The following MDGA2 variants were observed in gnomAD, a reference collection of about 807,000 sequenced individuals.
MDGA2 encodes the protein MAM domain-containing glycosylphosphatidylinositol anchor protein 2.
A neutral mutation model predicts 117.8 loss-of-function variants in MDGA2; 40 were observed. That is an observed-to-expected ratio of 0.34 (90% CI 0.26 to 0.44). The LOEUF is 0.44. Ranked by LOEUF, MDGA2 falls within the 20% of genes least tolerant of loss-of-function variation. The pLI is 1.00. For synonymous variants in MDGA2, 452 were observed against 439.0 expected, an observed-to-expected ratio of 1.03 and a Z score of -0.37; for missense variants, 1,123 against 1,250.6, an observed-to-expected ratio of 0.90 and a Z score of 1.54.
intron 1 of MDGA2, among the ~76,000 whole-genome samples, chr14:47,606,411 T>C (rs909429005): frequency 3.9e-5 from 6 of 152,236 alleles, no homozygotes; most frequent in African/African-American, 1.4e-4. Context: ...AAATTGTATC[T>C]ATTGTGTGGA....
chr14:47,399,623 G>A (rs1187733625), intron 1 of MDGA2, among the ~76,000 whole-genome samples: 1 of 151,842 alleles, frequency 6.6e-6, no homozygotes, highest in Non-Finnish European at 1.5e-5. Context: ...CACATTTATA[G>A]CTGCTAGAGC....
chr14:46,881,754 G>A (rs1169648241), intron 11 of MDGA2, among the ~76,000 whole-genome samples: 1 of 151,958 alleles, frequency 6.6e-6, no homozygotes, highest in African/African-American at 2.4e-5. Context: ...ATAAAATGCA[G>A]ACAAATATTG....
At chr14:47,543,912 T>C (rs935608056) in intron 1 of MDGA2, among the ~76,000 whole-genome samples, 3 of 152,180 alleles carry the variant, frequency 2.0e-5, no homozygotes, top group Non-Finnish European at 4.4e-5. Context: ...ATATGTAACA[T>C]AGAAAGGCTT....
chr14:46,906,828 G>A (rs1370185478), intron 10 of MDGA2, among the ~76,000 whole-genome samples: 2 of 151,944 alleles, frequency 1.3e-5, no homozygotes. Context: ...GGATCAGAAG[G>A]AAATCATTTT....
chr14:47,278,274 A>AT (rs1450702786), intron 2 of MDGA2, among the ~76,000 whole-genome samples: 2 of 152,156 alleles, frequency 1.3e-5, no homozygotes, highest in South Asian at 4.1e-4. Flanking sequence ...AATATTTTAA[A>AT]TTTTTTTCAA....
At chr14:47,605,009 G>T (rs930360787) in intron 1 of MDGA2, among the ~76,000 whole-genome samples, 1 of 152,044 alleles carries the variant, frequency 6.6e-6, no homozygotes, top group Non-Finnish European at 1.5e-5. Context: ...ACTTGGTTGG[G>T]GGGGGTGTAT....
intron 1 of MDGA2, among the ~76,000 whole-genome samples, chr14:47,364,219 T>C (rs938032042): frequency 6.6e-6 from 1 of 152,196 alleles, no homozygotes; most frequent in Non-Finnish European, 1.5e-5. Flanking sequence ...ATACATGTAA[T>C]GACACAATAC....
chr14:46,885,131 G>A (rs1325753594), intron 10 of MDGA2, among the ~76,000 whole-genome samples: 1 of 152,102 alleles, frequency 6.6e-6, no homozygotes, highest in Non-Finnish European at 1.5e-5. Context: ...ACAGGCGTAA[G>A]TCACCGTGCC....
At position 47,674,848 on chromosome 14, in the gene MDGA2, GACAC is replaced by G. The variant is rs1441735872; in HGVS notation, c.-56_-53del. 1 of 592,362 alleles carries G rather than the reference GACAC, an allele frequency of 1.7e-6. No individual in the cohort carries two copies. Among genetic ancestry groups the G allele is most frequent in the African/African-American group, 2.0e-5 (1 of 50,610 alleles). The allele number at this position is 592,362 out of a possible 1,614,324, so 36.7% of individuals were successfully genotyped here. A position where few individuals can be genotyped will look rare whatever the true frequency, so the allele number is the denominator to read the frequency against. ...ACACTCTCCCACAACACAATACCCT[GACAC>G]ACACTCACACGCACGCCGCACTCAC... On this transcript the variant is annotated 5_prime_UTR_variant, in exon 1 of 17. Transcript: ENST00000399232.
At chr14:47,357,878 C>A (rs1200684484) in intron 1 of MDGA2, among the ~76,000 whole-genome samples, 2 of 152,168 alleles carry the variant, frequency 1.3e-5, no homozygotes, top group Non-Finnish European at 2.9e-5. Context: ...TAGGGGGACT[C>A]AATGCCCCTG....
At chr14:46,869,344 T>C (rs1881905454) in intron 14 of MDGA2, among the ~76,000 whole-genome samples, 1 of 140,792 alleles carries the variant, frequency 7.1e-6, no homozygotes, top group Non-Finnish European at 1.5e-5. Context: ...TGATCTCCTA[T>C]GAGATTCTTT....
chr14:47,348,404 AT>A (rs1890807714), intron 1 of MDGA2, among the ~76,000 whole-genome samples: 1 of 151,534 alleles, frequency 6.6e-6, no homozygotes, highest in African/African-American at 2.4e-5. Context: ...TAGAGATGGG[AT>A]TTCACCATGT....
chr14:47,246,422 C>A (rs1887239550), intron 2 of MDGA2, among the ~76,000 whole-genome samples: 1 of 151,762 alleles, frequency 6.6e-6, no homozygotes, highest in Non-Finnish European at 1.5e-5. Context: ...TCAATACCCT[C>A]CAGAAGGCTG....
At chr14:47,398,072 A>C (rs1252254349) in intron 1 of MDGA2, among the ~76,000 whole-genome samples, 1 of 152,150 alleles carries the variant, frequency 6.6e-6, no homozygotes, top group African/African-American at 2.4e-5. Flanking sequence ...AGGCACCATA[A>C]AATGAAATGA....
At chr14:46,898,264 C>G (rs1260560639) in intron 10 of MDGA2, among the ~76,000 whole-genome samples, 2 of 151,828 alleles carry the variant, frequency 1.3e-5, no homozygotes, top group Admixed American at 1.3e-4. Context: ...CTGGTAATTT[C>G]TCTGGTAAGA....
chr14:47,640,216 A>G (rs1378911328), intron 1 of MDGA2, among the ~76,000 whole-genome samples: 1 of 152,156 alleles, frequency 6.6e-6, no homozygotes, highest in Admixed American at 6.5e-5. Flanking sequence ...GATAGTTTAC[A>G]TCTTGAGTCA....
chr14:47,656,369 C>A (rs1897744409), intron 1 of MDGA2, among the ~76,000 whole-genome samples: 1 of 152,144 alleles, frequency 6.6e-6, no homozygotes, highest in East Asian at 1.9e-4. Flanking sequence ...AAGACAGGTT[C>A]ACAGATCAGT....
At chr14:47,121,384 T>C (rs1232830796) in intron 5 of MDGA2, among the ~76,000 whole-genome samples, 1 of 152,076 alleles carries the variant, frequency 6.6e-6, no homozygotes, top group Non-Finnish European at 1.5e-5. Context: ...TGCATAATAG[T>C]AATATAATTT....
rs377325168 is a variant in MDGA2 at position 47,598,718 on chromosome 14, G to A, written c.280+75799C>T. Among the ~76,000 whole-genome samples the A allele has an allele frequency of 6.6e-5, 10 of 152,168 alleles. No individual in the cohort carries two copies. In the South Asian group the frequency reaches 2.1e-3, roughly 32 times the overall value. ...TTTAATGGGTACAGTTTATGTTAGA[G>A]ATAATTTCTGAAAAGATTTGGGTAT... On this transcript the variant is annotated intron_variant, in intron 1 of 16. Transcript: ENST00000399232.
Sources: gnomAD v4.1 joint callset for allele counts (sites outside exome capture counted in the v4.1 genomes callset) on GRCh38, gnomAD v4.1.1 for gene constraint, MANE v1.5 for transcripts, NCBI Gene and HGNC (gene_info 2026-07-23, HGNC 2026-07-21) for gene names.